Variants in IGF2BP3 observed in about 807,000 individuals in gnomAD.
IGF2BP3 encodes insulin-like growth factor 2 mRNA-binding protein 3.
A neutral mutation model predicts 73.8 loss-of-function variants in IGF2BP3; 9 were observed. The observed-to-expected ratio is 0.12, with a 90% confidence interval of 0.07 to 0.21. The LOEUF is 0.21. Among genes scored for constraint, IGF2BP3 ranks in the 10% least tolerant of loss-of-function variants. The pLI, the probability that IGF2BP3 is intolerant of heterozygous loss-of-function variation, is 1.00. For missense variants in IGF2BP3, 542 were observed against 714.0 expected (o/e 0.76, Z 2.75); for synonymous variants, 258 against 256.7 (o/e 1.01, Z -0.05).
At chr7:23,313,854 G>A (rs192163399) in intron 12 of IGF2BP3, among the ~76,000 whole-genome samples, 27 of 152,318 alleles carry the variant, frequency 1.8e-4, no homozygotes, top group Non-Finnish European at 3.7e-4. Context: ...TCACAGTAGA[G>A]GCAACTGAAT....
At chr7:23,315,398 G>A (rs1044864926) in intron 12 of IGF2BP3, among the ~76,000 whole-genome samples, 2 of 152,074 alleles carry the variant, frequency 1.3e-5, no homozygotes, top group Non-Finnish European at 2.9e-5. Flanking sequence ...GTGGGCCACC[G>A]CGCCTGGCCA....
intron 2 of IGF2BP3, among the ~76,000 whole-genome samples, chr7:23,460,084 T>A (rs1326644801): frequency 7.8e-6 from 1 of 129,032 alleles, no homozygotes; most frequent in Non-Finnish European, 1.7e-5. Flanking sequence ...AAAAAAAAAA[T>A]TAGCCAGACG....
intron 2 of IGF2BP3, among the ~76,000 whole-genome samples, chr7:23,434,091 T>TAAAAAAA (rs11362019): frequency 1.2e-4 from 15 of 129,486 alleles, no homozygotes; most frequent in Non-Finnish European, 1.6e-4. Context: ...AAATTAAAAT[T>TAAAAAAA]AAAAAAAAAA....
chr7:23,362,946 G>T (rs914540845), intron 3 of IGF2BP3, among the ~76,000 whole-genome samples: 3 of 151,988 alleles, frequency 2.0e-5, no homozygotes, highest in Non-Finnish European at 4.4e-5. Flanking sequence ...GTAGAGATGA[G>T]GTCTTACTAC....
intron 2 of IGF2BP3, 70 bp from the exon 3 acceptor site, chr7:23,418,894 A>T (rs1787267861): frequency 1.0e-6 from 1 of 983,062 alleles, no homozygotes; most frequent in African/African-American, 1.6e-5. Context: ...CCAACATGGA[A>T]GTTTAGAAAC....
chr7:23,457,210 C>T (rs1318794037), intron 2 of IGF2BP3, among the ~76,000 whole-genome samples: 1 of 152,064 alleles, frequency 6.6e-6, no homozygotes, highest in African/African-American at 2.4e-5. Context: ...ACTCAGTACT[C>T]CCAGCACTTT....
chr7:23,358,361 A>G (rs961322698), intron 5 of IGF2BP3, among the ~76,000 whole-genome samples: 2 of 152,160 alleles, frequency 1.3e-5, no homozygotes, highest in Non-Finnish European at 2.9e-5. Flanking sequence ...CTTTCACCTA[A>G]AGATTGAGCT....
chr7:23,464,416 G>C (rs1191670477), intron 2 of IGF2BP3, among the ~76,000 whole-genome samples: 1 of 152,070 alleles, frequency 6.6e-6, no homozygotes, highest in Non-Finnish European at 1.5e-5. Context: ...ACAATTCAAT[G>C]GTGTTAAATA....
At position 23,312,954 on chromosome 7, in the gene IGF2BP3, C is replaced by T. The variant is rs1185539374; in HGVS notation, c.1528-106G>A. 11 of 651,294 alleles carry T rather than the reference C, an allele frequency of 1.7e-5. No homozygotes were observed. In the East Asian group the frequency reaches 2.8e-4, roughly 17 times the overall value. 40.3% of individuals were successfully genotyped at this position (651,294 alleles called of 1,614,324 possible). On this transcript the variant is annotated intron_variant, in intron 13 of 14. Coordinates refer to ENST00000258729, the MANE Select transcript of IGF2BP3 (RefSeq NM_006547.3). ...GAGCTATGTATGGCTTTACAAATTT[C>T]ATTTAATCCAGTGGTAATTCCATGA...
intron 5 of IGF2BP3, among the ~76,000 whole-genome samples, chr7:23,357,102 C>CT (rs1562696626): frequency 2.0e-5 from 3 of 152,292 alleles, no homozygotes; most frequent in African/African-American, 7.2e-5. Flanking sequence ...TGTCTCACTG[C>CT]TTTATTTCTT....
chr7:23,317,649 G>GC lies in IGF2BP3; in HGVS notation c.1384dup (p.Ala462GlyfsTer14). On this transcript the variant is annotated frameshift_variant, in exon 12 of 15. Transcript: ENST00000258729. LOFTEE classifies it high-confidence loss of function. Reference sequence around the variant, plus strand: ...CTCTAGAGCACATACCTTGAACTGAGCCTCTGGTGGTCCAGTGATAATCAC... The same window carrying GC: ...CTCTAGAGCACATACCTTGAACTGAGCCCTCTGGTGGTCCAGTGATAATCAC... 6.2e-7 allele frequency: 1 copy of GC among 1,613,704 alleles called. No homozygotes were observed.
At chr7:23,403,795 G>T (rs1011699201) in intron 3 of IGF2BP3, among the ~76,000 whole-genome samples, 1 of 151,926 alleles carries the variant, frequency 6.6e-6, no homozygotes, top group Admixed American at 6.6e-5. Flanking sequence ...ATCTAGGGTT[G>T]GCTCTAAGAA....
At chr7:23,438,559 T>C (rs1787857707) in intron 2 of IGF2BP3, among the ~76,000 whole-genome samples, 2 of 152,202 alleles carry the variant, frequency 1.3e-5, no homozygotes. Context: ...ATGCATATGA[T>C]GTTTCAAGAA....
Position 23,342,141 on chromosome 7 carries a change from A to G in IGF2BP3, c.1126T>C (p.Phe376Leu). Residue 376 changes from phenylalanine to leucine, a missense_variant, in exon 10 of 15, where the codon TTC (phenylalanine) becomes CTC (leucine). Coordinates refer to ENST00000258729, the MANE Select transcript of IGF2BP3 (RefSeq NM_006547.3). ...PGLNLNALGL[F>L]PPTSGMPPPT... ...GGTGGCATCCCTGAAGTGGGTGGGA[A>G]CAGACCCAAGGCGTTCAGATTTAAT... 6.2e-7 allele frequency: 1 copy of G among 1,613,594 alleles called. No homozygotes were observed.
intron 11 of IGF2BP3, 48 bp downstream of exon 11, chr7:23,319,090 C>T (rs770078691): frequency 2.3e-5 from 27 of 1,153,622 alleles, no homozygotes; most frequent in Non-Finnish European, 3.2e-5. Context: ...ATTCATATTT[C>T]TGTAACTTAC....
intron 10 of IGF2BP3, among the ~76,000 whole-genome samples, chr7:23,329,105 C>T (rs370078298): frequency 1.3e-5 from 2 of 151,600 alleles, no homozygotes; most frequent in South Asian, 2.1e-4. Context: ...CCCAGCTACT[C>T]GGGAGGCTGA....
chr7:23,354,945 C>T (rs1364419582), intron 5 of IGF2BP3, among the ~76,000 whole-genome samples: 1 of 152,128 alleles, frequency 6.6e-6, no homozygotes, highest in Non-Finnish European at 1.5e-5. Flanking sequence ...TGCAGAATGG[C>T]GGCTTTCTCA....
chr7:23,369,575 T>C (rs866369650), intron 3 of IGF2BP3, among the ~76,000 whole-genome samples: 7 of 152,192 alleles, frequency 4.6e-5, no homozygotes, highest in South Asian at 2.1e-4. Context: ...AACAGTATCA[T>C]TGAAATACAG....
intron 3 of IGF2BP3, among the ~76,000 whole-genome samples, chr7:23,368,284 G>C (rs1425720628): frequency 1.3e-5 from 2 of 148,396 alleles, no homozygotes; most frequent in Non-Finnish European, 3.0e-5. Context: ...TGGTTACCTT[G>C]TTAGTATAGC....
Sources: allele counts gnomAD v4.1 joint callset (sites outside exome capture counted in the v4.1 genomes callset), GRCh38; gene constraint gnomAD v4.1.1; transcripts MANE v1.5; gene names NCBI Gene and HGNC (gene_info 2026-07-23, HGNC 2026-07-21).